The following DNAH8 variants were observed in gnomAD, a reference collection of about 807,000 sequenced individuals.
DNAH8 encodes axonemal beta dynein heavy chain 8.
Under a neutral mutation model 562.1 loss-of-function variants are expected in DNAH8, and 382 were observed. The ratio of observed to expected loss-of-function variants is 0.68; its 90% CI spans 0.63 to 0.74. DNAH8 has a LOEUF of 0.74. DNAH8 is among the 30% of genes least tolerant of loss of function. The pLI is 0.00. For missense variants in DNAH8, 5,203 were observed against 5,620.4 expected (o/e 0.93, Z 2.37); for synonymous variants, 1,881 against 1,919.4 (o/e 0.98, Z 0.52).
intron 80 of DNAH8, among the ~76,000 whole-genome samples, chr6:38,948,102 G>A (rs1371831466): frequency 1.3e-5 from 2 of 152,050 alleles, no homozygotes; most frequent in East Asian, 3.9e-4. Flanking sequence ...CAACTGAGTT[G>A]CAGAATAACT....
chr6:38,794,465 A>T (rs1267021229), intron 21 of DNAH8, among the ~76,000 whole-genome samples: 1 of 152,222 alleles, frequency 6.6e-6, no homozygotes, highest in African/African-American at 2.4e-5. Flanking sequence ...ATGAACGTTT[A>T]CATATGATAC....
chr6:38,960,066 C>T (rs950595884), intron 82 of DNAH8, among the ~76,000 whole-genome samples: 1 of 151,972 alleles, frequency 6.6e-6, no homozygotes. Context: ...TAATTATATG[C>T]AGAATAATGA....
At chr6:38,827,177 C>T (rs1773405269) in intron 29 of DNAH8, among the ~76,000 whole-genome samples, 1 of 151,834 alleles carries the variant, frequency 6.6e-6, no homozygotes, top group African/African-American at 2.4e-5. Context: ...TACTTTCCTG[C>T]CACACTCTTT....
At chr6:38,877,320 T>G (rs1371266868) in intron 53 of DNAH8, among the ~76,000 whole-genome samples, 1 of 152,258 alleles carries the variant, frequency 6.6e-6, no homozygotes, top group African/African-American at 2.4e-5. Context: ...TATTGCCACA[T>G]TTCTTAAAGA....
At chr6:38,908,989 G>T (rs889454421) in intron 64 of DNAH8, among the ~76,000 whole-genome samples, 2 of 152,050 alleles carry the variant, frequency 1.3e-5, no homozygotes, top group African/African-American at 4.8e-5. Context: ...AATTTATAAG[G>T]CAGCCTGCTT....
At chr6:38,719,388 C>G (rs748289565) in intron 1 of DNAH8, among the ~76,000 whole-genome samples, 1 of 152,094 alleles carries the variant, frequency 6.6e-6, no homozygotes, top group East Asian at 1.9e-4. Context: ...CCCATCCTTC[C>G]CTTCCCCTTC....
At chr6:38,893,710 C>T (rs1419348675) in intron 58 of DNAH8, among the ~76,000 whole-genome samples, 1 of 152,132 alleles carries the variant, frequency 6.6e-6, no homozygotes, top group Non-Finnish European at 1.5e-5. Flanking sequence ...TTAAATAGCA[C>T]TGTGAATTAG....
At chr6:38,766,368 G>C (rs1276819850) in intron 11 of DNAH8, among the ~76,000 whole-genome samples, 2 of 152,136 alleles carry the variant, frequency 1.3e-5, no homozygotes, top group African/African-American at 2.4e-5. Flanking sequence ...GTTACCAGGG[G>C]CTGGAGAGGG....
intron 76 of DNAH8, among the ~76,000 whole-genome samples, chr6:38,934,353 A>G (rs1394782376): frequency 2.0e-5 from 3 of 152,174 alleles, no homozygotes; most frequent in African/African-American, 7.2e-5. Context: ...ACTCCATCTC[A>G]AAAAAACAAA....
Position 38,814,069 on chromosome 6 carries a change from G to A in DNAH8, c.3273G>A (p.Lys1091=). 6.3e-7 allele frequency: 1 copy of A among 1,592,272 alleles called. No homozygotes were observed. Residue 1091 remains lysine (K), a synonymous_variant, in exon 25 of 93, where the codon AAG becomes AAA. Coordinates refer to ENST00000327475, the MANE Select transcript of DNAH8 (RefSeq NM_001206927.2). The part of the protein sequence containing the change: ...RIFVASLYGR[K]QSEDIISFIK... ...CTCATTGCAGCCTTTATGGGCGAAA[G>A]CAGTCAGAAGATATTATTTCCTTTA... is the stretch of plus-strand genomic sequence containing the variant.
intron 65 of DNAH8, 144 bp from the exon 66 acceptor site, chr6:38,911,324 C>A: frequency 4.3e-6 from 3 of 702,288 alleles, no homozygotes; most frequent in Non-Finnish European, 7.6e-6. Flanking sequence ...TTTTCCACCT[C>A]ACCTCTGAGA....
chr6:38,741,682 C>T (rs773740103), intron 7 of DNAH8, 29 bp from the exon 8 acceptor site: 1 of 1,548,538 alleles, frequency 6.5e-7, no homozygotes, highest in Non-Finnish European at 8.7e-7. Flanking sequence ...TGTAACATTT[C>T]TATATTTTAT....
At chr6:38,880,717 A>G (rs1583260992) in intron 53 of DNAH8, among the ~76,000 whole-genome samples, 1 of 152,326 alleles carries the variant, frequency 6.6e-6, no homozygotes, top group East Asian at 1.9e-4. Context: ...ATTGGTCGTC[A>G]GGGAAATGCA....
At position 38,890,778 on chromosome 6, in the gene DNAH8, C is replaced by A; in HGVS notation, c.8583+17C>A. ...TGGACTAAGGTACAGAATGGTTTGT[C>A]AATAATTTTTAAAAAGGCAACTATT... On this transcript the variant is annotated intron_variant, in intron 58 of 92. Transcript: ENST00000327475. 6.4e-7 allele frequency: 1 copy of A among 1,571,876 alleles called. No homozygotes were observed. Among genetic ancestry groups the A allele is most frequent in the South Asian group, 1.1e-5 (1 of 90,072 alleles).
chr6:38,957,101 A>G (rs1299711755), intron 82 of DNAH8, among the ~76,000 whole-genome samples: 2 of 152,176 alleles, frequency 1.3e-5, no homozygotes, highest in African/African-American at 2.4e-5. Context: ...AAGATATTCT[A>G]TGCAAATGGG....
intron 85 of DNAH8, among the ~76,000 whole-genome samples, chr6:38,981,028 AGTGTGTGT>A (rs368543739): frequency 3.1e-4 from 45 of 145,714 alleles, no homozygotes; most frequent in Middle Eastern, 3.6e-3. Context: ...TGAAAACGGC[AGTGTGTGT>A]GTGTGTGTGT....
chr6:38,884,093 T>A, intron 56 of DNAH8, 95 bp downstream of exon 56: 8 of 843,026 alleles, frequency 9.5e-6, no homozygotes, highest in Non-Finnish European at 1.2e-5. Context: ...TGTTAAAAAC[T>A]TTATGTTTTT....
rs188697567 is a variant in DNAH8 at position 38,956,533 on chromosome 6, T to C, written c.12451+5013T>C. ...TCCTGAAGGGCTCCGGTCTCAGCCT[T>C]GGCTCCTCCTGCTGCATTTGGAAAC... On this transcript the variant is annotated intron_variant, in intron 82 of 92. Transcript: ENST00000327475. Among the ~76,000 whole-genome samples the C allele has an allele frequency of 2.5e-3, 386 of 152,288 alleles. 1 individual carries two copies. Among genetic ancestry groups the C allele is most frequent in the Admixed American group, 2.8e-3 (43 of 15,302 alleles).
intron 82 of DNAH8, among the ~76,000 whole-genome samples, chr6:38,957,428 A>G (rs931524098): frequency 1.3e-5 from 2 of 151,830 alleles, no homozygotes; most frequent in Admixed American, 6.6e-5. Context: ...TCACCCAGAT[A>G]GAAAATCAAT....
Sources: gnomAD v4.1 joint callset for allele counts (sites outside exome capture counted in the v4.1 genomes callset) on GRCh38, gnomAD v4.1.1 for gene constraint, MANE v1.5 for transcripts, NCBI Gene and HGNC (gene_info 2026-07-23, HGNC 2026-07-21) for gene names.